ARHGAP32: variants seen among roughly 807,000 people sequenced by gnomAD.
The protein encoded by ARHGAP32 is Rho GTPase activating protein 32.
In ARHGAP32, 51 loss-of-function variants were observed where a neutral mutation model predicts 186.5. The observed-to-expected ratio is 0.27, with a 90% CI of 0.22 to 0.35. ARHGAP32 has a LOEUF of 0.35. Among genes scored for constraint, ARHGAP32 ranks in the 10% least tolerant of loss-of-function variants. The probability of loss-of-function intolerance (pLI) is 1.00; values close to 1 mark genes in which losing one functional copy is unlikely to be tolerated. For synonymous variants in ARHGAP32, 950 were observed against 964.3 expected, an observed-to-expected ratio of 0.99 and a Z score of 0.27; for missense variants, 2,186 against 2,623.5, an observed-to-expected ratio of 0.83 and a Z score of 3.64.
At chr11:129,025,651 G>C (rs954590791) in intron 11 of ARHGAP32, among the ~76,000 whole-genome samples, 1 of 151,808 alleles carries the variant, frequency 6.6e-6, no homozygotes, top group Admixed American at 6.6e-5. Context: ...AAACAAAAGA[G>C]AGAGAGGAAG....
rs1459596134 is a variant in ARHGAP32, at chr11:128,970,255, G to A, written c.4958C>T (p.Pro1653Leu). 6.2e-7 allele frequency: 1 copy of A among 1,614,178 alleles called. No individual in the cohort carries two copies. The highest frequency in any genetic ancestry group is 1.7e-5 in the Admixed American group (1 of 60,024). ...RSDYHVTQLQ[P>L]YFENGRVHYR... The stretch of plus-strand genomic sequence containing the variant: ...GTGGACCCGGCCATTCTCAAAGTAA[G>A]GCTGAAGCTGAGTGACATGATAATC... The change falls in exon 23 of 23, where the codon CCT becomes CTT. Residue 1653 changes from proline (P) to leucine (L), a missense_variant. By Grantham distance (98) the Pro-to-Leu change is moderately conservative. Transcript: ENST00000682385. The surrounding 1 kb of genome is among the most constrained non-coding windows in gnomAD (Gnocchi z 5.8).
Position 128,976,558 on chromosome 11 carries a change from C to CT in ARHGAP32, c.2194+4dup. On this transcript the variant is annotated splice_donor_region_variant and intron_variant, in intron 20 of 22. Transcript: ENST00000682385. ...GAATAAAATGACTGATGCTTTTAGT[C>CT]TTACCATCAACTGCATGGAGAGATG... 1 of 1,611,774 alleles carries CT rather than the reference C, an allele frequency of 6.2e-7. No individual in the cohort carries two copies. The highest frequency in any genetic ancestry group is 8.5e-7 in the Non-Finnish European group (1 of 1,178,028).
chr11:128,969,706 T>C lies in ARHGAP32; in HGVS notation c.5507A>G (p.Glu1836Gly). Reference protein sequence around the residue: ...SRHAAKAISPEGEDRFYRRHP... With the variant: ...SRHAAKAISPGGEDRFYRRHP... ...CCTCCTATAGAAGCGGTCCTCTCCC[T>C]CGGGACTGATGGCCTTGGCTGCATG... Residue 1836 changes from glutamate (E) to glycine (G), a missense_variant, in exon 23 of 23, where the codon GAG (glutamate) becomes GGG (glycine). By Grantham distance (98) the Glu-to-Gly change is moderately conservative (BLOSUM62 -2). Transcript: ENST00000682385. This position sits in a 1 kb window ranked among gnomAD's most constrained non-coding sequence, Gnocchi z 4.8. 6.2e-7 allele frequency: 1 copy of C among 1,614,182 alleles called. No homozygotes were observed. The highest frequency in any genetic ancestry group is 8.5e-7 in the Non-Finnish European group (1 of 1,180,020).
chr11:129,172,780 G>A (rs1943795674), intron 1 of ARHGAP32, among the ~76,000 whole-genome samples: 1 of 152,088 alleles, frequency 6.6e-6, no homozygotes, highest in African/African-American at 2.4e-5. Context: ...TAGAATCTCT[G>A]GGACACAGCT....
rs530829670 is a variant in ARHGAP32 at position 129,148,887 on chromosome 11, A to G, written c.225+15432T>C. 2.6e-4 allele frequency among the ~76,000 whole-genome samples: 39 copies of G among 152,300 alleles called. No homozygotes were observed. The South Asian group carries it at 7.9e-3, about 31-fold the overall frequency. Reference sequence around the variant, plus strand: ...AGGCAACCAAAAGCCCCTCTGGAACATAACCCCATTGGCCTGAGAACCACC... The same window carrying G: ...AGGCAACCAAAAGCCCCTCTGGAACGTAACCCCATTGGCCTGAGAACCACC... On this transcript the variant is annotated intron_variant, in intron 2 of 22. Transcript: ENST00000682385.
intron 22 of ARHGAP32, 159 bp from the exon 23 acceptor site, chr11:128,971,318 A>G (rs1945365493): frequency 3.3e-6 from 2 of 601,526 alleles, no homozygotes; most frequent in East Asian, 5.6e-5. Context: ...CTAGGAAAAG[A>G]AGGCTTGTGC....
At chr11:129,192,649 GCA>G (rs1426034648), upstream of ARHGAP32, among the ~76,000 whole-genome samples, 3 of 152,082 alleles carry the variant, frequency 2.0e-5, no homozygotes, top group African/African-American at 7.2e-5. Flanking sequence ...CACATGAGAA[GCA>G]CAGTTATAGA....
intron 11 of ARHGAP32, among the ~76,000 whole-genome samples, chr11:129,017,926 C>A (rs900325410): frequency 6.6e-6 from 1 of 152,106 alleles, no homozygotes; most frequent in African/African-American, 2.4e-5. Context: ...TGATTTCTCT[C>A]CATCTATTAA....
intron 6 of ARHGAP32, among the ~76,000 whole-genome samples, chr11:129,081,698 G>A (rs1159706675): frequency 6.6e-6 from 1 of 151,494 alleles, no homozygotes. Context: ...AACAAGACAA[G>A]GATGCCTCCT....
chr11:129,274,394 G>C (rs1348197584), intron 1 of ARHGAP32, among the ~76,000 whole-genome samples: 2 of 152,062 alleles, frequency 1.3e-5, no homozygotes. Flanking sequence ...GCTGTTCCCT[G>C]GTTTTGTGGA....
intron 6 of ARHGAP32, among the ~76,000 whole-genome samples, chr11:129,089,892 G>A (rs907266480): frequency 1.3e-5 from 2 of 152,192 alleles, no homozygotes; most frequent in African/African-American, 4.8e-5. Context: ...GTCCTTGGAA[G>A]TCCCTTTGTC....
At chr11:129,033,244 G>C (rs1939187429) in intron 11 of ARHGAP32, among the ~76,000 whole-genome samples, 1 of 152,146 alleles carries the variant, frequency 6.6e-6, no homozygotes, top group Non-Finnish European at 1.5e-5. Flanking sequence ...ACATTTCTAT[G>C]CATGTGTCTT....
chr11:129,111,503 T>A (rs2135340934), intron 5 of ARHGAP32, among the ~76,000 whole-genome samples: 1 of 152,336 alleles, frequency 6.6e-6, no homozygotes, highest in East Asian at 1.9e-4. Context: ...TTGGTAGAAA[T>A]CAGCAGTGAA....
intron 3 of ARHGAP32, among the ~76,000 whole-genome samples, chr11:129,124,150 T>C (rs1270884829): frequency 6.6e-6 from 1 of 152,158 alleles, no homozygotes; most frequent in Non-Finnish European, 1.5e-5. Context: ...CTATGGGATA[T>C]CTTGGGGCTG....
intron 11 of ARHGAP32, among the ~76,000 whole-genome samples, chr11:129,002,551 C>T (rs959496754): frequency 9.2e-5 from 14 of 152,250 alleles, no homozygotes; most frequent in Middle Eastern, 3.4e-3. Flanking sequence ...GATAATTTGG[C>T]TGCTGCTTCT....
intron 1 of ARHGAP32, among the ~76,000 whole-genome samples, chr11:129,267,553 A>C (rs972119975): frequency 1.3e-5 from 2 of 152,244 alleles, no homozygotes. Context: ...AAAAAAAACA[A>C]ACTCAGAGGA....
At chr11:129,115,872 C>T (rs1398370526) in intron 5 of ARHGAP32, among the ~76,000 whole-genome samples, 1 of 152,114 alleles carries the variant, frequency 6.6e-6, no homozygotes, top group South Asian at 2.1e-4. Flanking sequence ...AAAGGTCTCT[C>T]TCTCTCTCCA....
chr11:129,009,799 G>A (rs866020050), intron 11 of ARHGAP32, among the ~76,000 whole-genome samples: 1 of 152,040 alleles, frequency 6.6e-6, no homozygotes, highest in African/African-American at 2.4e-5. Context: ...GTGAACGTAC[G>A]GGTGCGTGTA....
At chr11:129,183,218 G>C (rs1944092030) in intron 1 of ARHGAP32, among the ~76,000 whole-genome samples, 1 of 151,986 alleles carries the variant, frequency 6.6e-6, no homozygotes, top group South Asian at 2.1e-4. Context: ...CAACCAATGG[G>C]TTTTAATTAC....
Sources: gnomAD v4.1 joint callset for allele counts (sites outside exome capture counted in the v4.1 genomes callset) on GRCh38, gnomAD v4.1.1 for gene constraint, Gnocchi (gnomAD v3.1) non-coding constraint, MANE v1.5 for transcripts, NCBI Gene and HGNC (gene_info 2026-07-23, HGNC 2026-07-21) for gene names.